The following DAB1 variants were observed in gnomAD, a reference collection of about 807,000 sequenced individuals.
DAB1 encodes disabled homolog 1.
Under a neutral mutation model 64.6 loss-of-function variants are expected in DAB1, and 15 were observed. That is an observed-to-expected ratio of 0.23 (90% CI 0.16 to 0.36). DAB1 has a LOEUF of 0.36. DAB1 is among the 10% of genes least tolerant of loss of function. DAB1 has a pLI of 1.00. For missense variants in DAB1, 596 were observed against 706.7 expected, an observed-to-expected ratio of 0.84 and a Z score of 1.78; for synonymous variants, 235 against 251.9, an observed-to-expected ratio of 0.93 and a Z score of 0.64.
chr1:57,547,438 C>A (rs1644868719), intron 7 of DAB1, among the ~76,000 whole-genome samples: 1 of 152,082 alleles, frequency 6.6e-6, no homozygotes, highest in Admixed American at 6.6e-5. Flanking sequence ...TGCAGCTTGG[C>A]TTAATTTAGT....
rs1001254627 is a variant in DAB1 at position 58,096,268 on chromosome 1, G to A, written n.387+54243C>T. Among the ~76,000 whole-genome samples the A allele has an allele frequency of 2.6e-5, 4 of 152,292 alleles. No homozygotes were observed. In the South Asian group the frequency reaches 8.3e-4, roughly 32 times the overall value. On this transcript the variant is annotated intron_variant and non_coding_transcript_variant, in intron 5 of 20. Transcript: ENST00000485760. ...CTGGCAGTATTATCCCTTTTCCATG[G>A]CCTCTTTTTGGTTTACTATCATACT...
chr1:57,553,473 A>AAAGGAAGG (rs71051238), intron 7 of DAB1, among the ~76,000 whole-genome samples: 1,966 of 25,586 alleles, frequency 0.077, 141 homozygotes, highest in African/African-American at 0.12. Context: ...AAAGGGAAAG[A>AAAGGAAGG]AAGGAAGGAA....
intron 4 of DAB1, among the ~76,000 whole-genome samples, chr1:58,201,848 C>A (rs1016995213): frequency 1.3e-5 from 2 of 152,140 alleles, no homozygotes; most frequent in East Asian, 3.9e-4. Flanking sequence ...AAGGTAGGTA[C>A]CCCTACCCTG....
intron 4 of DAB1, among the ~76,000 whole-genome samples, chr1:58,158,625 C>A (rs1048462297): frequency 6.6e-6 from 1 of 152,144 alleles, no homozygotes; most frequent in Non-Finnish European, 1.5e-5. Context: ...CTGCAGCTCG[C>A]GTTTCCTTAG....
At chr1:58,208,813 T>C (rs890070741) in intron 4 of DAB1, among the ~76,000 whole-genome samples, 3 of 152,168 alleles carry the variant, frequency 2.0e-5, no homozygotes, top group Non-Finnish European at 4.4e-5. Context: ...AGTAGTGGGA[T>C]TGCTGGATCA....
intron 7 of DAB1, among the ~76,000 whole-genome samples, chr1:57,533,840 A>G (rs898106148): frequency 1.2e-4 from 19 of 152,116 alleles, no homozygotes; most frequent in Non-Finnish European, 1.5e-5. Context: ...TAGAATAAAC[A>G]CAGCTTCAGA....
chr1:57,398,888 C>T (rs929957335), intron 1 of DAB1, among the ~76,000 whole-genome samples: 2 of 151,982 alleles, frequency 1.3e-5, no homozygotes, highest in Non-Finnish European at 2.9e-5. Flanking sequence ...GTGGCCTTTC[C>T]TTCCTTTGAA....
intron 7 of DAB1, among the ~76,000 whole-genome samples, chr1:57,542,352 G>A (rs1379386945): frequency 6.6e-6 from 1 of 151,662 alleles, no homozygotes; most frequent in Non-Finnish European, 1.5e-5. Flanking sequence ...CTGTTACCAG[G>A]CCTGGCAGTG....
chr1:57,105,658 T>G (rs1655078236), intron 4 of DAB1, among the ~76,000 whole-genome samples: 1 of 152,150 alleles, frequency 6.6e-6, no homozygotes, highest in Non-Finnish European at 1.5e-5. Context: ...AACACTGTCT[T>G]TTTTCTTCTT....
At chr1:57,385,479 A>G (rs1295484732) in intron 1 of DAB1, among the ~76,000 whole-genome samples, 1 of 152,160 alleles carries the variant, frequency 6.6e-6, no homozygotes, top group African/African-American at 2.4e-5. Flanking sequence ...GTCAGCAAAC[A>G]TTTACTTAGC....
intron 5 of DAB1, among the ~76,000 whole-genome samples, chr1:58,053,743 C>T (rs1351197159): frequency 2.6e-5 from 4 of 152,208 alleles, no homozygotes; most frequent in African/African-American, 9.6e-5. Flanking sequence ...TATGGATTCA[C>T]TTCCTTCTTC....
chr1:57,104,968 C>T, intron 4 of DAB1, among the ~76,000 whole-genome samples: 1 of 152,074 alleles, frequency 6.6e-6, no homozygotes. Flanking sequence ...AATTCTAAGC[C>T]TTTTTCCCAG....
Position 58,485,228 on chromosome 1 carries a change from T to TAAAAAAAAAAA in DAB1, n.257+20821_257+20831dup, listed in dbSNP as rs71043289. Among the ~76,000 whole-genome samples the TAAAAAAAAAAA allele has an allele frequency of 2.0e-3, 84 of 42,054 alleles. 2 individuals are homozygous for TAAAAAAAAAAA. Among genetic ancestry groups the TAAAAAAAAAAA allele is most frequent in the Non-Finnish European group, 1.7e-3 (41 of 24,140 alleles). The allele number at this position is 42,054 out of a possible 152,430, so 27.6% of individuals were successfully genotyped here. A position where few individuals can be genotyped will look rare whatever the true frequency, so the allele number is the denominator to read the frequency against. The stretch of plus-strand genomic sequence containing the variant: ...GTCTAAAAATAAAAGAGTCTACTAC[T>TAAAAAAAAAAA]AAAAAAAAAAAAAAAAAAAAAAAAA... On this transcript the variant is annotated intron_variant and non_coding_transcript_variant, in intron 3 of 20. Coordinates refer to the DAB1 transcript ENST00000485760.
intron 5 of DAB1, among the ~76,000 whole-genome samples, chr1:57,943,861 A>G (rs1645140499): frequency 6.6e-6 from 1 of 152,164 alleles, no homozygotes; most frequent in Non-Finnish European, 1.5e-5. Flanking sequence ...GGAGATGCAC[A>G]GCATGGGAGA....
At chr1:57,901,563 C>T (rs1644474242) in intron 5 of DAB1, among the ~76,000 whole-genome samples, 2 of 152,132 alleles carry the variant, frequency 1.3e-5, no homozygotes, top group African/African-American at 2.4e-5. Flanking sequence ...CACCCTAACC[C>T]ACCCTGATGA....
At chr1:57,880,375 C>T (rs1222945410) in intron 1 of DAB1, 1 of 152,140 alleles carries the variant, frequency 6.6e-6, no homozygotes, top group East Asian at 1.9e-4. Context: ...CACGAAGGGC[C>T]CCCGCCCATA....
At chr1:57,921,398 G>T (rs999316307) in intron 5 of DAB1, among the ~76,000 whole-genome samples, 4 of 152,070 alleles carry the variant, frequency 2.6e-5, no homozygotes, top group African/African-American at 9.7e-5. Flanking sequence ...AGGAGGATGT[G>T]TTCCTTTTAT....
At chr1:58,257,127 A>T (rs753493792) in intron 4 of DAB1, among the ~76,000 whole-genome samples, 1 of 152,212 alleles carries the variant, frequency 6.6e-6, no homozygotes, top group African/African-American at 2.4e-5. Context: ...CTCCATGAGT[A>T]TAATTATCCA....
intron 1 of DAB1, among the ~76,000 whole-genome samples, chr1:57,305,696 G>A (rs1403556378): frequency 6.6e-6 from 1 of 152,126 alleles, no homozygotes; most frequent in African/African-American, 2.4e-5. Flanking sequence ...TGGGCCAGGC[G>A]CAGTGGCTCA....
Sources: gnomAD v4.1 joint callset for allele counts (sites outside exome capture counted in the v4.1 genomes callset) on GRCh38, gnomAD v4.1.1 for gene constraint, MANE v1.5 for transcripts, NCBI Gene and HGNC (gene_info 2026-07-23, HGNC 2026-07-21) for gene names.